Variants in SPOP observed in about 807,000 individuals in gnomAD.
SPOP encodes the protein speckle type BTB/POZ protein, also known as speckle-type POZ protein.
In SPOP, 11 loss-of-function variants were observed where a neutral mutation model predicts 45.6. The observed-to-expected ratio is 0.24, with a 90% confidence interval of 0.15 to 0.40. SPOP has a LOEUF of 0.40. Ranked by LOEUF, SPOP falls within the 10% of genes least tolerant of loss-of-function variation. The pLI is 1.00. For missense variants in SPOP, 152 were observed against 465.6 expected (o/e 0.33, Z 6.20); for synonymous variants, 166 against 166.3 (o/e 1.00, Z 0.01).
chr17:49,635,342 A>C (rs962858686), intron 1 of SPOP, among the ~76,000 whole-genome samples: 1 of 152,232 alleles, frequency 6.6e-6, no homozygotes, highest in Non-Finnish European at 1.5e-5. Flanking sequence ...TCTTAACAGA[A>C]TTTCCTGGCT....
At chr17:49,607,722 C>T in intron 7 of SPOP, 152 bp downstream of exon 7, 4 of 732,964 alleles carry the variant, frequency 5.5e-6, no homozygotes, top group East Asian at 2.5e-5. Context: ...TACTTCTACA[C>T]CACTTCTCTC....
At position 49,611,464 on chromosome 17, in the gene SPOP, A is replaced by G. The variant is rs2071970965; in HGVS notation, c.481-7T>C. On this transcript the variant is annotated splice_polypyrimidine_tract_variant and splice_region_variant and intron_variant, in intron 5 of 9. Coordinates refer to ENST00000504102, the MANE Select transcript of SPOP (RefSeq NM_001007228.2). Reference sequence around the variant, plus strand: ...AATCTTGCACAACACTCACCTGTGAAAGACAAGGAAACACAAGCCAAGCTT... The same window carrying G: ...AATCTTGCACAACACTCACCTGTGAGAGACAAGGAAACACAAGCCAAGCTT... 6.2e-7 allele frequency: 1 copy of G among 1,612,290 alleles called. No homozygotes were observed. The highest frequency in any genetic ancestry group is 1.3e-5 in the African/African-American group (1 of 74,834).
chr17:49,677,874 T>TGGGG, intron 1 of SPOP, 59 bp downstream of exon 1: 1 of 343,520 alleles, frequency 2.9e-6, no homozygotes. Context: ...TTCAGGGAGG[T>TGGGG]GCCCCCCCCC....
intron 1 of SPOP, among the ~76,000 whole-genome samples, chr17:49,641,263 C>CAAAAAA (rs34207707): frequency 2.1e-5 from 1 of 47,548 alleles, no homozygotes; most frequent in Non-Finnish European, 3.7e-5. Flanking sequence ...ACTCTGTCTC[C>CAAAAAA]AAAAAAAAAA....
At chr17:49,613,210 GACATA>G (rs1311442079) in intron 5 of SPOP, among the ~76,000 whole-genome samples, 1 of 148,950 alleles carries the variant, frequency 6.7e-6, no homozygotes, top group Non-Finnish European at 1.5e-5. Flanking sequence ...TCACTTCTTT[GACATA>G]ACATTAACAC....
intron 1 of SPOP, among the ~76,000 whole-genome samples, chr17:49,658,320 T>A (rs1470583512): frequency 6.6e-6 from 1 of 152,232 alleles, no homozygotes; most frequent in East Asian, 1.9e-4. Flanking sequence ...TTTTTCTTTA[T>A]ACTTTTCTAT....
intron 1 of SPOP, among the ~76,000 whole-genome samples, chr17:49,647,320 A>C (rs2072775955): frequency 6.7e-6 from 1 of 148,716 alleles, no homozygotes; most frequent in African/African-American, 2.4e-5. Context: ...TCTTAAAAAA[A>C]AAAAAAAAAA....
chr17:49,669,631 G>C (rs541857743), intron 1 of SPOP, among the ~76,000 whole-genome samples: 82 of 150,794 alleles, frequency 5.4e-4, no homozygotes, highest in Non-Finnish European at 9.2e-4. Flanking sequence ...TGGGCGTGGT[G>C]ATGTGCGCCT....
chr17:49,663,361 T>G (rs1375438012), intron 1 of SPOP, among the ~76,000 whole-genome samples: 1 of 152,202 alleles, frequency 6.6e-6, no homozygotes, highest in Non-Finnish European at 1.5e-5. Flanking sequence ...GTGGAAAAAC[T>G]GTCCTCCACA....
chr17:49,632,046 A>G (rs2072460731), intron 1 of SPOP, among the ~76,000 whole-genome samples: 1 of 152,222 alleles, frequency 6.6e-6, no homozygotes, highest in African/African-American at 2.4e-5. Flanking sequence ...CTAGAATGGC[A>G]TAACAGGCAC....
At chr17:49,657,189 C>G (rs1226524933) in intron 1 of SPOP, among the ~76,000 whole-genome samples, 1 of 150,460 alleles carries the variant, frequency 6.6e-6, no homozygotes, top group African/African-American at 2.4e-5. Flanking sequence ...GAGCAAGACT[C>G]TGTCTCAAAA....
chr17:49,651,091 C>T (rs1045662669), intron 1 of SPOP, among the ~76,000 whole-genome samples: 25 of 152,040 alleles, frequency 1.6e-4, no homozygotes, highest in African/African-American at 5.8e-4. Context: ...AGATGTTGGG[C>T]TCAAGAATTT....
At chr17:49,670,195 T>G (rs1467156632) in intron 1 of SPOP, among the ~76,000 whole-genome samples, 1 of 152,240 alleles carries the variant, frequency 6.6e-6, no homozygotes. Context: ...ATTGGAAGAA[T>G]GACAGCCCAA....
intron 1 of SPOP, among the ~76,000 whole-genome samples, chr17:49,630,187 C>A (rs530676348): frequency 7.9e-5 from 12 of 152,066 alleles, no homozygotes; most frequent in Non-Finnish European, 1.5e-4. Flanking sequence ...ACGACAATTG[C>A]AAAAACAAAC....
At chr17:49,608,430 G>T (rs895913188) in intron 6 of SPOP, among the ~76,000 whole-genome samples, 2 of 152,190 alleles carry the variant, frequency 1.3e-5, no homozygotes, top group Non-Finnish European at 2.9e-5. Flanking sequence ...GTTTTTCTAA[G>T]CTATGCATTC....
At chr17:49,642,536 A>T (rs1051263825) in intron 1 of SPOP, among the ~76,000 whole-genome samples, 20 of 152,188 alleles carry the variant, frequency 1.3e-4, no homozygotes, top group African/African-American at 4.8e-4. Flanking sequence ...CTCCAACAAA[A>T]GCAATAAAGG....
chr17:49,614,155 T>C (rs2072033572), intron 5 of SPOP, among the ~76,000 whole-genome samples: 1 of 152,236 alleles, frequency 6.6e-6, no homozygotes, highest in Non-Finnish European at 1.5e-5. Flanking sequence ...TTTTAACTTC[T>C]ATATAATTAA....
At chr17:49,645,204 T>C (rs968430650) in intron 1 of SPOP, among the ~76,000 whole-genome samples, 1 of 152,234 alleles carries the variant, frequency 6.6e-6, no homozygotes, top group Non-Finnish European at 1.5e-5. Context: ...ATTTTTCCTA[T>C]AGCTGATGGA....
chr17:49,634,422 A>G (rs2072506673), intron 1 of SPOP, among the ~76,000 whole-genome samples: 1 of 152,236 alleles, frequency 6.6e-6, no homozygotes, highest in African/African-American at 2.4e-5. Context: ...AAAAGGAGGA[A>G]GCAGGGAAAA....
Sources: gnomAD v4.1 joint callset for allele counts (sites outside exome capture counted in the v4.1 genomes callset) on GRCh38, gnomAD v4.1.1 for gene constraint, MANE v1.5 for transcripts, NCBI Gene and HGNC (gene_info 2026-07-23, HGNC 2026-07-21) for gene names.